UROS: variants seen among roughly 807,000 people sequenced by gnomAD.
UROS encodes the protein uroporphyrinogen-III synthase.
UROS carries 18 observed loss-of-function variants against 33.0 expected under a neutral mutation model. The observed-to-expected ratio is 0.55, with a 90% CI of 0.38 to 0.81. The LOEUF is 0.81. UROS is among the 30% of genes least tolerant of loss of function. The pLI is 0.00. For synonymous variants in UROS, 114 were observed against 121.1 expected, an observed-to-expected ratio of 0.94 and a Z score of 0.38; for missense variants, 293 against 314.9, an observed-to-expected ratio of 0.93 and a Z score of 0.53.
chr10:125,821,478 A>C (rs1231883575), intron 1 of UROS, among the ~76,000 whole-genome samples: 1 of 152,256 alleles, frequency 6.6e-6, no homozygotes, highest in Non-Finnish European at 1.5e-5. Context: ...AGGGAAAATA[A>C]GGGAGTTGTT....
rs566123336 is a variant in UROS at position 125,818,500 on chromosome 10, A to G, written c.-26-1975T>C. Among the ~76,000 whole-genome samples the G allele has an allele frequency of 2.7e-5, 4 of 150,640 alleles. No homozygotes were observed. The East Asian group carries it at 7.9e-4, about 30-fold the overall frequency. On this transcript the variant is annotated intron_variant, in intron 1 of 9. Transcript: ENST00000368797. ...AGAGAAGGATCTTGTCTAAATAATA[A>G]TAATAATAATAATAATATAAAATTA...
downstream of UROS, among the ~76,000 whole-genome samples, chr10:125,787,256 C>T (rs1289704751): frequency 6.6e-6 from 1 of 152,234 alleles, no homozygotes; most frequent in Non-Finnish European, 1.5e-5. Context: ...CCTATTTTCC[C>T]TGCCCTGCAA....
intron 2 of UROS, 28 bp downstream of exon 2, chr10:125,816,409 G>C: frequency 6.2e-7 from 1 of 1,613,642 alleles, no homozygotes; most frequent in Non-Finnish European, 8.5e-7. Flanking sequence ...AAAGGACACT[G>C]TGGGATAAGG....
At chr10:125,817,762 TG>T (rs1385095038) in intron 1 of UROS, among the ~76,000 whole-genome samples, 1 of 152,210 alleles carries the variant, frequency 6.6e-6, no homozygotes, top group African/African-American at 2.4e-5. Flanking sequence ...AATTGCTACG[TG>T]GCAGAGCTGG....
At chr10:125,802,804 T>G in intron 6 of UROS, 2 of 1,444,196 alleles carry the variant, frequency 1.4e-6, no homozygotes, top group Admixed American at 5.4e-5. Context: ...CTGAGGCATC[T>G]GTGCGAGGCC....
In UROS at chr10:125,802,757, G is replaced by A. The variant is rs540951502; in HGVS notation, c.395-4612C>T. 1.0e-4 allele frequency: 143 copies of A among 1,420,564 alleles called. No homozygotes were observed. The African/African-American group carries it at 1.9e-3, about 19-fold the overall frequency. 88.0% of individuals were successfully genotyped at this position (1,420,564 alleles called of 1,614,324 possible). A position where few individuals can be genotyped will look rare whatever the true frequency, so the allele number is the denominator to read the frequency against. ...TTTAGGTACAGCCCAGGTAGGGAGG[G>A]TAGGTCTGAGATGGCACGAACTCCC... On this transcript the variant is annotated intron_variant, in intron 6 of 9. Transcript: ENST00000368797.
At chr10:125,803,132 G>A (rs1192603327) in intron 6 of UROS, 25 of 1,502,654 alleles carry the variant, frequency 1.7e-5, no homozygotes, top group African/African-American at 1.4e-5. Context: ...TCCTAGGCTT[G>A]AGCCCCAGCC....
intron 1 of UROS, among the ~76,000 whole-genome samples, chr10:125,821,029 C>T (rs950795401): frequency 6.6e-6 from 1 of 152,160 alleles, no homozygotes; most frequent in African/African-American, 2.4e-5. Flanking sequence ...ACTTGTCTTA[C>T]AAAAGTGATC....
intron 6 of UROS, chr10:125,807,089 G>A (rs1366719077): frequency 5.5e-6 from 2 of 365,122 alleles, no homozygotes; most frequent in Non-Finnish European, 1.0e-5. Context: ...TAAGGGGAGA[G>A]TACCCACTCA....
intron 6 of UROS, among the ~76,000 whole-genome samples, chr10:125,804,349 C>T (rs1236247119): frequency 6.6e-6 from 1 of 152,208 alleles, no homozygotes; most frequent in Non-Finnish European, 1.5e-5. Flanking sequence ...ACCCCAACTC[C>T]ATGGGGGAAG....
intron 5 of UROS, among the ~76,000 whole-genome samples, chr10:125,808,076 T>C (rs1350028306): frequency 1.3e-5 from 2 of 152,224 alleles, no homozygotes; most frequent in South Asian, 2.1e-4. Context: ...TGAGGGGCTA[T>C]ACCAGCACTT....
intron 1 of UROS, among the ~76,000 whole-genome samples, chr10:125,817,360 AC>A (rs1356029350): frequency 1.3e-5 from 2 of 148,386 alleles, no homozygotes; most frequent in African/African-American, 2.5e-5. Flanking sequence ...GAGCCACTGC[AC>A]CCAGCCTTAT....
chr10:125,815,168 G>A, intron 3 of UROS, 38 bp from the exon 4 acceptor site: 3 of 1,605,768 alleles, frequency 1.9e-6, no homozygotes, highest in Non-Finnish European at 2.6e-6. Flanking sequence ...TTTATACGAT[G>A]GCTATGTTCA....
intron 4 of UROS, among the ~76,000 whole-genome samples, chr10:125,813,778 T>G (rs10901446): frequency 0.41 from 62,404 of 152,190 alleles, 13,174 homozygotes; most frequent in Non-Finnish European, 0.47. Context: ...TGCGCCTGGC[T>G]GGCTCTGAGT....
chr10:125,795,184 A>G, intron 8 of UROS: 1 of 608,118 alleles, frequency 1.6e-6, no homozygotes, highest in Non-Finnish European at 3.0e-6. Context: ...GGCTGCCATC[A>G]GAAAGCTGGT....
chr10:125,795,756 T>C (rs1851300060), intron 8 of UROS, among the ~76,000 whole-genome samples: 1 of 152,214 alleles, frequency 6.6e-6, no homozygotes, highest in Non-Finnish European at 1.5e-5. Flanking sequence ...AAGCTTTGCG[T>C]AAATTATCTC....
At chr10:125,786,739 G>A (rs1303190735), downstream of UROS, among the ~76,000 whole-genome samples, 2 of 152,188 alleles carry the variant, frequency 1.3e-5, no homozygotes, top group African/African-American at 4.8e-5. Flanking sequence ...GCCCTTAACA[G>A]AAACTGCAGT....
At chr10:125,812,317 G>A (rs1396041633) in intron 4 of UROS, 29 bp from the exon 5 acceptor site, 4 of 1,605,734 alleles carry the variant, frequency 2.5e-6, no homozygotes, top group South Asian at 1.1e-5. Context: ...TATGTGAATT[G>A]CAAATACCAA....
downstream of UROS, chr10:125,785,231 A>G (rs1850608267): frequency 6.6e-6 from 1 of 152,240 alleles, no homozygotes; most frequent in East Asian, 1.9e-4. Flanking sequence ...TCAGGGCCCA[A>G]GATGCCCACT....
Sources: gnomAD v4.1 joint callset for allele counts (sites outside exome capture counted in the v4.1 genomes callset) on GRCh38, gnomAD v4.1.1 for gene constraint, MANE v1.5 for transcripts, NCBI Gene and HGNC (gene_info 2026-07-23, HGNC 2026-07-21) for gene names.